The following CAMK1D variants were observed in gnomAD, a reference collection of about 807,000 sequenced individuals.
CAMK1D encodes calcium/calmodulin-dependent protein kinase type 1D.
Under a neutral mutation model 47.7 loss-of-function variants are expected in CAMK1D, and 9 were observed. The observed-to-expected ratio is 0.19, with a 90% CI of 0.11 to 0.33. CAMK1D has a LOEUF of 0.33. Among genes scored for constraint, CAMK1D ranks in the 10% least tolerant of loss-of-function variants. The probability of loss-of-function intolerance (pLI) is 1.00; values close to 1 mark genes in which losing one functional copy is unlikely to be tolerated. For synonymous variants in CAMK1D, 184 were observed against 184.9 expected (o/e 0.99, Z 0.04); for missense variants, 291 against 488.7 (o/e 0.60, Z 3.81).
intron 1 of CAMK1D, chr10:12,456,441 C>A (rs1833244747): frequency 6.6e-6 from 1 of 152,130 alleles, no homozygotes; most frequent in Non-Finnish European, 1.5e-5. Flanking sequence ...ACTCAGACCA[C>A]CAGTGGGGGA....
At chr10:12,694,410 T>A (rs1257710323) in intron 3 of CAMK1D, among the ~76,000 whole-genome samples, 1 of 75,470 alleles carries the variant, frequency 1.3e-5, no homozygotes, top group African/African-American at 5.7e-5. Context: ...ATATATAAAA[T>A]ATAAAATATA....
At chr10:12,719,938 C>T (rs577106934) in intron 3 of CAMK1D, among the ~76,000 whole-genome samples, 1 of 152,306 alleles carries the variant, frequency 6.6e-6, no homozygotes, top group South Asian at 2.1e-4. Flanking sequence ...AGAAGAATTA[C>T]CTGAGGGTAT....
At chr10:12,741,422 G>T (rs532424976) in intron 3 of CAMK1D, among the ~76,000 whole-genome samples, 12 of 152,326 alleles carry the variant, frequency 7.9e-5, no homozygotes, top group African/African-American at 2.9e-4. Flanking sequence ...CCAGGCTCCT[G>T]ACCCTGAGAT....
chr10:12,435,636 C>T (rs1564338752), intron 1 of CAMK1D, among the ~76,000 whole-genome samples: 3 of 152,154 alleles, frequency 2.0e-5, no homozygotes, highest in Non-Finnish European at 2.9e-5. Flanking sequence ...CAGGCTTTTC[C>T]ACTGCTTTCC....
At chr10:12,553,470 C>T (rs890555350) in intron 2 of CAMK1D, 114 bp downstream of exon 2, 3 of 774,696 alleles carry the variant, frequency 3.9e-6, no homozygotes, top group African/African-American at 1.7e-5. Context: ...CCCAGAGGAC[C>T]CAGGCTGTGC....
intron 2 of CAMK1D, among the ~76,000 whole-genome samples, chr10:12,582,752 C>T (rs1837699062): frequency 6.6e-6 from 1 of 152,140 alleles, no homozygotes; most frequent in African/African-American, 2.4e-5. Flanking sequence ...ATTCATTTAT[C>T]AGAAGTGTGC....
chr10:12,410,929 G>A lies in CAMK1D; in HGVS notation c.92+61019G>A, dbSNP rs770591018. On this transcript the variant is annotated intron_variant, in intron 1 of 10. Transcript: ENST00000619168. Reference sequence around the variant, plus strand: ...TGACTTTGTACTAATTGCCAAAGGCGGCAGAGGATGAGGACTTGTTGGGGT... The same window carrying A: ...TGACTTTGTACTAATTGCCAAAGGCAGCAGAGGATGAGGACTTGTTGGGGT... Among the ~76,000 whole-genome samples, 7 of 152,210 alleles carry A rather than the reference G, an allele frequency of 4.6e-5. No homozygotes were observed. The East Asian group carries it at 9.6e-4, about 21-fold the overall frequency.
intron 2 of CAMK1D, among the ~76,000 whole-genome samples, chr10:12,638,410 G>A (rs1448706806): frequency 5.3e-5 from 8 of 152,126 alleles, no homozygotes; most frequent in Non-Finnish European, 8.8e-5. Flanking sequence ...TAAACCACCT[G>A]CTGTTCCCAT....
At chr10:12,624,864 G>A (rs905515723) in intron 2 of CAMK1D, among the ~76,000 whole-genome samples, 3 of 152,134 alleles carry the variant, frequency 2.0e-5, no homozygotes, top group Non-Finnish European at 4.4e-5. Flanking sequence ...GGCACAGCAG[G>A]TAGGGTATCC....
intron 2 of CAMK1D, among the ~76,000 whole-genome samples, chr10:12,576,873 C>G (rs1245574076): frequency 1.3e-5 from 2 of 152,110 alleles, no homozygotes; most frequent in Non-Finnish European, 2.9e-5. Flanking sequence ...GCATGTCAGT[C>G]AGTGAGCACA....
intron 3 of CAMK1D, among the ~76,000 whole-genome samples, chr10:12,677,759 A>T (rs1840860335): frequency 6.6e-6 from 1 of 151,956 alleles, no homozygotes; most frequent in Non-Finnish European, 1.5e-5. Flanking sequence ...TTGTAAGGAG[A>T]GCTCAGTCTG....
intron 5 of CAMK1D, among the ~76,000 whole-genome samples, chr10:12,784,344 T>C (rs12776017): frequency 0.23 from 34,716 of 151,692 alleles, 4,107 homozygotes; most frequent in East Asian, 0.46. Context: ...ATTACAGGCA[T>C]CCACCACCGC....
intron 8 of CAMK1D, among the ~76,000 whole-genome samples, chr10:12,823,076 C>T (rs1252365877): frequency 6.6e-6 from 1 of 152,176 alleles, no homozygotes; most frequent in Admixed American, 6.5e-5. Flanking sequence ...TCTGTCCACC[C>T]TGTTTGCAGT....
chr10:12,810,276 C>CT (rs36022032), intron 6 of CAMK1D, among the ~76,000 whole-genome samples: 78,649 of 126,106 alleles, frequency 0.62, 25,460 homozygotes, highest in South Asian at 0.77. Context: ...CCTAGCACCA[C>CT]TTTTTTTTTT....
rs1833492273 is a variant in CAMK1D at position 12,835,529 on chromosome 10, A to G, written c.*6642A>G. 1 of 152,184 alleles carries G rather than the reference A, an allele frequency of 6.6e-6. No homozygotes were observed. Among genetic ancestry groups the G allele is most frequent in the South Asian group, 2.1e-4 (1 of 4,812 alleles). 9.4% of individuals were successfully genotyped at this position (152,184 alleles called of 1,614,324 possible). On this transcript the variant is annotated 3_prime_UTR_variant, in exon 11 of 11. Transcript: ENST00000619168. ...GACTTCCTGTTTTCCTCCAATAAAG[A>G]CAATTAATCACCTTCAGATGCTCAT...
chr10:12,764,381 CAA>C (rs56657709), intron 4 of CAMK1D, among the ~76,000 whole-genome samples: 1 of 77,984 alleles, frequency 1.3e-5, no homozygotes, highest in African/African-American at 4.9e-5. Context: ...CACTTTGTCT[CAA>C]AAAAAAAAAA....
intron 2 of CAMK1D, among the ~76,000 whole-genome samples, chr10:12,578,570 C>A (rs200537941): frequency 1.1e-3 from 106 of 93,294 alleles, no homozygotes; most frequent in African/African-American, 1.5e-3. Context: ...AACTCCATCT[C>A]AAAAAAAAAA....
At chr10:12,588,875 TGTGTGTGTGCGTGC>T (rs1477664996) in intron 2 of CAMK1D, among the ~76,000 whole-genome samples, 2 of 136,606 alleles carry the variant, frequency 1.5e-5, no homozygotes, top group Non-Finnish European at 3.0e-5. Flanking sequence ...TATGTGTGTG[TGTGTGTGTGCGTGC>T]GTGTGTGTGT....
At chr10:12,702,040 TG>T (rs1397586503) in intron 3 of CAMK1D, among the ~76,000 whole-genome samples, 2 of 152,222 alleles carry the variant, frequency 1.3e-5, no homozygotes, top group Non-Finnish European at 2.9e-5. Flanking sequence ...CCACATTCCT[TG>T]GCCAGAGCTC....
Sources: allele counts gnomAD v4.1 joint callset (sites outside exome capture counted in the v4.1 genomes callset), GRCh38; gene constraint gnomAD v4.1.1; transcripts MANE v1.5; gene names NCBI Gene and HGNC (gene_info 2026-07-23, HGNC 2026-07-21).